The following PPFIBP2 variants were observed in gnomAD, a reference collection of about 807,000 sequenced individuals.
PPFIBP2 encodes the protein PPFIB scaffold protein 2.
A neutral mutation model predicts 118.3 loss-of-function variants in PPFIBP2; 118 were observed. That is an observed-to-expected ratio of 1.00 (90% CI 0.86 to 1.16). The LOEUF is 1.16. PPFIBP2 is among the 50% of genes most tolerant of loss of function. The probability of loss-of-function intolerance (pLI) is 0.00; values close to 1 mark genes in which losing one functional copy is unlikely to be tolerated. For synonymous variants in PPFIBP2, 414 were observed against 397.4 expected (o/e 1.04, Z -0.50); for missense variants, 1,195 against 1,073.1 (o/e 1.11, Z -1.59).
chr11:7,597,167 G>T, intron 4 of PPFIBP2: 1 of 1,457,466 alleles, frequency 6.9e-7, no homozygotes, highest in Non-Finnish European at 9.0e-7. Context: ...ATGAAGTTTG[G>T]ACCGCTCTTC....
intron 1 of PPFIBP2, among the ~76,000 whole-genome samples, chr11:7,540,256 G>T (rs1000265618): frequency 3.9e-5 from 6 of 152,212 alleles, no homozygotes; most frequent in African/African-American, 7.2e-5. Flanking sequence ...GGTGTGGGGG[G>T]GCGGTGAGGC....
chr11:7,542,418 A>G (rs1329509751), intron 1 of PPFIBP2, among the ~76,000 whole-genome samples: 2 of 152,154 alleles, frequency 1.3e-5, no homozygotes, highest in East Asian at 3.8e-4. Context: ...AATCTTAATC[A>G]CCACTATATA....
chr11:7,665,797 G>T, the PPFIBP2 span: 1 of 1,497,316 alleles, frequency 6.7e-7, no homozygotes, highest in South Asian at 1.2e-5. Flanking sequence ...TGTCAGCATT[G>T]ACGAGGAAGG....
chr11:7,596,174 A>G (rs1860252482), intron 4 of PPFIBP2, among the ~76,000 whole-genome samples: 2 of 152,202 alleles, frequency 1.3e-5, no homozygotes, highest in Admixed American at 6.5e-5. Flanking sequence ...GACCATAGAA[A>G]TGTTTAACCC....
chr11:7,526,764 G>T (rs566869629), intron 1 of PPFIBP2, among the ~76,000 whole-genome samples: 1 of 152,076 alleles, frequency 6.6e-6, no homozygotes, highest in Non-Finnish European at 1.5e-5. Context: ...ATCCCAAGTC[G>T]CAGGCTGAAC....
chr11:7,576,600 C>T (rs1286465632), intron 3 of PPFIBP2: 2 of 152,554 alleles, frequency 1.3e-5, no homozygotes, highest in African/African-American at 4.8e-5. Flanking sequence ...CAGCCTCAAC[C>T]TTTCCACCTC....
At chr11:7,664,118 A>G in the PPFIBP2 span, among the ~76,000 whole-genome samples, 51 of 152,206 alleles carry the variant, frequency 3.4e-4, no homozygotes, top group Non-Finnish European at 6.3e-4. Context: ...TGCGTCGCTC[A>G]CGCTGGGAGC....
At chr11:7,517,998 T>G (rs1207566046) in intron 1 of PPFIBP2, among the ~76,000 whole-genome samples, 1 of 152,202 alleles carries the variant, frequency 6.6e-6, no homozygotes, top group Non-Finnish European at 1.5e-5. Flanking sequence ...GTGGCTTTCA[T>G]TGCCGTACTT....
At chr11:7,626,241 G>A (rs1327804958) in intron 8 of PPFIBP2, among the ~76,000 whole-genome samples, 1 of 152,138 alleles carries the variant, frequency 6.6e-6, no homozygotes, top group African/African-American at 2.4e-5. Flanking sequence ...CCTTACTTTT[G>A]TGTCATCACC....
intron 6 of PPFIBP2, among the ~76,000 whole-genome samples, chr11:7,613,341 T>C (rs1196463788): frequency 6.6e-6 from 1 of 152,204 alleles, no homozygotes; most frequent in African/African-American, 2.4e-5. Flanking sequence ...AGCATCTTGC[T>C]GCTTGTTTTA....
At position 7,625,788 on chromosome 11, in the gene PPFIBP2, C is replaced by G. The variant is rs1849922120; in HGVS notation, c.723C>G (p.Ala241=). ...TGTTGCTCTTCCAGGCTGAAGTCGC[C>G]CAGCTGCAAGAACAGGTGGCCCTGA... ...WKLKATKAEV[A]QLQEQVALKD... Residue 241 remains alanine, a synonymous_variant, in exon 8 of 24, where the codon GCC becomes GCG. Coordinates refer to ENST00000299492, the MANE Select transcript of PPFIBP2 (RefSeq NM_003621.5). 1 of 1,614,036 alleles carries G rather than the reference C, an allele frequency of 6.2e-7. No individual in the cohort carries two copies. Among genetic ancestry groups the G allele is most frequent in the African/African-American group, 1.3e-5 (1 of 74,936 alleles).
intron 3 of PPFIBP2, among the ~76,000 whole-genome samples, chr11:7,581,695 G>A (rs1162493779): frequency 6.6e-6 from 1 of 152,200 alleles, no homozygotes; most frequent in African/African-American, 2.4e-5. Flanking sequence ...GTTCCTACTA[G>A]TTAAGAGCAT....
At chr11:7,618,776 T>C (rs1848989355) in intron 6 of PPFIBP2, among the ~76,000 whole-genome samples, 1 of 152,160 alleles carries the variant, frequency 6.6e-6, no homozygotes, top group Admixed American at 6.5e-5. Flanking sequence ...GAGATAGGGT[T>C]TCACCATGTT....
At chr11:7,581,431 G>A (rs946182863) in intron 3 of PPFIBP2, among the ~76,000 whole-genome samples, 1 of 152,184 alleles carries the variant, frequency 6.6e-6, no homozygotes, top group African/African-American at 2.4e-5. Context: ...AAAGAAAATG[G>A]AATCACTACA....
intron 6 of PPFIBP2, 90 bp from the exon 7 acceptor site, chr11:7,620,845 G>T: frequency 2.3e-6 from 2 of 863,854 alleles, no homozygotes; most frequent in Non-Finnish European, 3.9e-6. Flanking sequence ...TGTGGTTGCT[G>T]CACCCCATAT....
intron 2 of PPFIBP2, among the ~76,000 whole-genome samples, chr11:7,561,923 T>C (rs915980100): frequency 3.9e-5 from 6 of 152,220 alleles, no homozygotes; most frequent in African/African-American, 1.4e-4. Flanking sequence ...CTAACCTTTT[T>C]GGCACCAGGG....
intron 2 of PPFIBP2, among the ~76,000 whole-genome samples, chr11:7,554,805 A>ACTGGACTGGACTGGACTGGACTG (rs775146154): frequency 0.012 from 1,755 of 151,870 alleles, 28 homozygotes; most frequent in South Asian, 0.033. Flanking sequence ...AGACTAGACT[A>ACTGGACTGGACTGGACTGGACTG]GACTAGACTA....
chr11:7,634,436 A>T, intron 12 of PPFIBP2, 59 bp from the exon 13 acceptor site: 1 of 1,332,086 alleles, frequency 7.5e-7, no homozygotes, highest in East Asian at 2.3e-5. Flanking sequence ...TGTCCTCTGC[A>T]TGAGTGATAA....
intron 4 of PPFIBP2, 28 bp from the exon 5 acceptor site, chr11:7,597,532 T>C: frequency 6.3e-7 from 1 of 1,599,322 alleles, no homozygotes; most frequent in Non-Finnish European, 8.6e-7. Context: ...TCCCTGGTCC[T>C]CCACCATTGC....
Sources: allele counts gnomAD v4.1 joint callset (sites outside exome capture counted in the v4.1 genomes callset), GRCh38; gene constraint gnomAD v4.1.1; transcripts MANE v1.5; gene names NCBI Gene and HGNC (gene_info 2026-07-23, HGNC 2026-07-21).